GPC4: variants seen among roughly 807,000 people sequenced by gnomAD.
GPC4 encodes the protein glypican-4.
GPC4 carries 10 observed loss-of-function variants against 35.0 expected under a neutral mutation model. The ratio of observed to expected loss-of-function variants is 0.29; its 90% CI spans 0.18 to 0.48. GPC4 has a LOEUF of 0.48. Among genes scored for constraint, GPC4 ranks in the 20% least tolerant of loss-of-function variants. The pLI, the probability that GPC4 is intolerant of heterozygous loss-of-function variation, is 0.99. For synonymous variants in GPC4, 167 were observed against 170.2 expected (o/e 0.98, Z 0.15); for missense variants, 322 against 451.3 (o/e 0.71, Z 2.60).
chrX:133,393,881 T>A (rs1487489622), intron 1 of GPC4, among the ~76,000 whole-genome samples: 1 of 112,150 alleles, frequency 8.9e-6, no homozygotes, highest in African/African-American at 3.2e-5. Context: ...TCATTTGCAA[T>A]TTTTAACTGT....
chrX:133,389,191 T>C (rs895381964), intron 1 of GPC4, among the ~76,000 whole-genome samples: 3 of 108,763 alleles, frequency 2.8e-5, no homozygotes, highest in Non-Finnish European at 5.7e-5. Context: ...ACTCCTGAAT[T>C]CAAGTGATCC....
intron 1 of GPC4, among the ~76,000 whole-genome samples, chrX:133,372,265 C>T (rs2068615961): frequency 9.3e-6 from 1 of 107,225 alleles, no homozygotes; most frequent in African/African-American, 3.4e-5. Flanking sequence ...ATAGGAAACC[C>T]CATTTTTTCT....
intron 2 of GPC4, among the ~76,000 whole-genome samples, chrX:133,333,174 T>C (rs1391421184): frequency 7.1e-5 from 8 of 112,301 alleles, no homozygotes; most frequent in African/African-American, 2.3e-4. Context: ...GACAGACACA[T>C]AGAAGTAGAG....
intron 1 of GPC4, among the ~76,000 whole-genome samples, chrX:133,345,681 G>A (rs1024863788): frequency 8.9e-6 from 1 of 111,818 alleles, no homozygotes; most frequent in African/African-American, 3.3e-5. Flanking sequence ...TTCCTTTTCT[G>A]TCCATAAATC....
chrX:133,365,212 G>A (rs1276836412), intron 1 of GPC4, among the ~76,000 whole-genome samples: 7 of 111,000 alleles, frequency 6.3e-5, no homozygotes, highest in Non-Finnish European at 1.9e-5. Context: ...GTGGCTGCCT[G>A]TAGACACACC....
chrX:133,322,171 C>T (rs1462880178), intron 3 of GPC4, among the ~76,000 whole-genome samples: 2 of 111,721 alleles, frequency 1.8e-5, no homozygotes, highest in East Asian at 2.8e-4. Flanking sequence ...CTGGCCAGCA[C>T]GGTGGCTCAT....
chrX:133,391,530 T>G (rs2068719620), intron 1 of GPC4, among the ~76,000 whole-genome samples: 1 of 112,259 alleles, frequency 8.9e-6, no homozygotes, highest in Admixed American at 9.5e-5. Flanking sequence ...TGTAAATCGA[T>G]TTGGACCTTA....
At chrX:133,403,963 A>T (rs2068776285) in intron 1 of GPC4, among the ~76,000 whole-genome samples, 1 of 110,705 alleles carries the variant, frequency 9.0e-6, no homozygotes, top group Non-Finnish European at 1.9e-5. Flanking sequence ...TCCCAAAGTG[A>T]TGGGATTACA....
intron 1 of GPC4, among the ~76,000 whole-genome samples, chrX:133,398,027 G>A (rs1458718842): frequency 3.6e-5 from 4 of 112,098 alleles, no homozygotes; most frequent in East Asian, 2.8e-4. Flanking sequence ...TTGCCCCATC[G>A]CACTCCAGCC....
At chrX:133,310,507 G>A (rs1189961101) in intron 4 of GPC4, among the ~76,000 whole-genome samples, 1 of 111,276 alleles carries the variant, frequency 9.0e-6, no homozygotes, top group Non-Finnish European at 1.9e-5. Context: ...TTGCTGTCTG[G>A]GTTCTGAGAA....
chrX:133,357,626 G>A (rs1363502247), intron 1 of GPC4, among the ~76,000 whole-genome samples: 4 of 109,738 alleles, frequency 3.6e-5, no homozygotes, highest in Non-Finnish European at 5.7e-5. Context: ...CCTCAAGCAC[G>A]AGCCACCTCA....
intron 3 of GPC4, among the ~76,000 whole-genome samples, chrX:133,318,429 T>G (rs1158566961): frequency 2.7e-5 from 3 of 111,414 alleles, no homozygotes; most frequent in African/African-American, 9.8e-5. Flanking sequence ...CCCCTTAACC[T>G]GGGAGGTGGG....
At chrX:133,342,546 T>C (rs1446420409) in intron 1 of GPC4, among the ~76,000 whole-genome samples, 4 of 111,459 alleles carry the variant, frequency 3.6e-5, no homozygotes, top group Non-Finnish European at 7.5e-5. Flanking sequence ...GCACCACTTA[T>C]CCTGTCTGCA....
rs1301791923 is a variant in GPC4, at chrX:133,305,877, T to A, written c.1050A>T (p.Gly350=). The A allele has an allele frequency of 8.3e-7, 1 of 1,211,365 alleles. No individual in the cohort carries two copies. Among genetic ancestry groups the A allele is most frequent in the Non-Finnish European group, 1.1e-6 (1 of 895,471 alleles). ...TTTCAGAGATGGAACGAGAAATTCG[T>A]CCAGCTGGGAGGGGCTTGGGGGGTC... ...GCGPPKPLPA[G]RISRSISESA... The change falls in exon 6 of 9, where the codon GGA becomes GGT. Residue 350 remains glycine (G), a synonymous_variant. Coordinates refer to ENST00000370828, the MANE Select transcript of GPC4 (RefSeq NM_001448.3).
At chrX:133,395,503 A>G (rs925978510) in intron 1 of GPC4, among the ~76,000 whole-genome samples, 8 of 111,189 alleles carry the variant, frequency 7.2e-5, no homozygotes, top group Non-Finnish European at 1.1e-4. Flanking sequence ...GCATGCCTGT[A>G]ATCCCAGCTA....
intron 2 of GPC4, among the ~76,000 whole-genome samples, chrX:133,334,197 A>G (rs2068432547): frequency 8.9e-6 from 1 of 111,772 alleles, no homozygotes; most frequent in African/African-American, 3.3e-5. Flanking sequence ...GGCTAATATG[A>G]ACTACAGAAA....
At chrX:133,334,745 T>C (rs917824032) in intron 2 of GPC4, among the ~76,000 whole-genome samples, 10 of 111,604 alleles carry the variant, frequency 9.0e-5, no homozygotes, top group Non-Finnish European at 5.6e-5. Flanking sequence ...CTGCCTCCCA[T>C]CCAAAGTTAT....
At chrX:133,352,521 G>GAA (rs936684837) in intron 1 of GPC4, among the ~76,000 whole-genome samples, 3 of 91,240 alleles carry the variant, frequency 3.3e-5, no homozygotes. Context: ...CTCCTTTTAA[G>GAA]AAAAAAAAAA....
chrX:133,338,882 T>A (rs756055111), intron 2 of GPC4, among the ~76,000 whole-genome samples: 1 of 111,579 alleles, frequency 9.0e-6, no homozygotes, highest in African/African-American at 3.3e-5. Flanking sequence ...CTTTTTTTTT[T>A]TAAAGGGACT....
Sources: gnomAD v4.1 joint callset for allele counts (sites outside exome capture counted in the v4.1 genomes callset) on GRCh38, gnomAD v4.1.1 for gene constraint, MANE v1.5 for transcripts, NCBI Gene and HGNC (gene_info 2026-07-23, HGNC 2026-07-21) for gene names.